Variants in MACROD2 observed in about 807,000 individuals in gnomAD.
MACROD2 encodes ADP-ribose glycohydrolase MACROD2.
In MACROD2, 36 loss-of-function variants were observed where a neutral mutation model predicts 70.4. The observed-to-expected ratio is 0.51, with a 90% CI of 0.39 to 0.68. MACROD2 has a LOEUF of 0.68. Ranked by LOEUF, MACROD2 falls within the 30% of genes least tolerant of loss-of-function variation. The pLI is 0.00. For synonymous variants in MACROD2, 172 were observed against 178.8 expected (o/e 0.96, Z 0.30); for missense variants, 496 against 538.4 (o/e 0.92, Z 0.78).
At chr20:15,559,095 C>T (rs905716331) in intron 8 of MACROD2, among the ~76,000 whole-genome samples, 10 of 151,908 alleles carry the variant, frequency 6.6e-5, no homozygotes, top group East Asian at 1.9e-4. Context: ...GGCATGGTGG[C>T]GCACGCCTGT....
intron 15 of MACROD2, among the ~76,000 whole-genome samples, chr20:16,039,276 T>C (rs1389881238): frequency 6.6e-6 from 1 of 151,974 alleles, no homozygotes; most frequent in Non-Finnish European, 1.5e-5. Context: ...TTTCTCATTA[T>C]AATTTTAATT....
chr20:15,261,323 G>T (rs1354186498), intron 6 of MACROD2, among the ~76,000 whole-genome samples: 1 of 151,636 alleles, frequency 6.6e-6, no homozygotes, highest in East Asian at 1.9e-4. Context: ...ATTTCAAAAG[G>T]GCCACTCTAG....
At chr20:15,644,021 C>T (rs922431153) in intron 8 of MACROD2, among the ~76,000 whole-genome samples, 1 of 152,144 alleles carries the variant, frequency 6.6e-6, no homozygotes, top group African/African-American at 2.4e-5. Context: ...CAATGTGTCT[C>T]ATTGGCCATT....
At position 15,616,440 on chromosome 20, in the gene MACROD2, AAAG is replaced by A. The variant is rs1362915110; in HGVS notation, c.645+116600_645+116602del. On this transcript the variant is annotated intron_variant, in intron 8 of 17. Coordinates refer to ENST00000684519, the MANE Select transcript of MACROD2 (RefSeq NM_001351661.2). ...CTTTATGATAACGTACAGTCATATC[AAAG>A]AAGAAGTTCAAAGAAGAGTTCCTTT... Among the ~76,000 whole-genome samples the A allele has an allele frequency of 2.6e-5, 4 of 152,256 alleles. No individual in the cohort carries two copies. In the South Asian group the frequency reaches 6.2e-4, roughly 24 times the overall value.
At chr20:15,189,678 A>G (rs1315347902) in intron 5 of MACROD2, among the ~76,000 whole-genome samples, 1 of 152,222 alleles carries the variant, frequency 6.6e-6, no homozygotes, top group Non-Finnish European at 1.5e-5. Context: ...AAATATATAA[A>G]GAGAAATATA....
rs532368062 is a variant in MACROD2, at chr20:15,640,286, G to A, written c.645+140439G>A. On this transcript the variant is annotated intron_variant, in intron 8 of 17. Coordinates refer to ENST00000684519, the MANE Select transcript of MACROD2 (RefSeq NM_001351661.2). ...AGTGAGACAGTGAGGGGGAAATAAA[G>A]GAAAAGGAGAGAGGATAGAGAGAGA... is the stretch of plus-strand genomic sequence containing the variant. Among the ~76,000 whole-genome samples, 42 of 152,034 alleles carry A rather than the reference G, an allele frequency of 2.8e-4. 1 individual carries two copies. The South Asian group carries it at 8.1e-3, about 29-fold the overall frequency.
At chr20:15,225,561 A>T (rs1392941147) in intron 5 of MACROD2, among the ~76,000 whole-genome samples, 1 of 152,160 alleles carries the variant, frequency 6.6e-6, no homozygotes, top group Non-Finnish European at 1.5e-5. Context: ...CATGTAGCTA[A>T]AACAAACCTA....
At chr20:15,422,381 G>A (rs972205958) in intron 6 of MACROD2, among the ~76,000 whole-genome samples, 43 of 152,078 alleles carry the variant, frequency 2.8e-4, no homozygotes, top group African/African-American at 1.0e-3. Flanking sequence ...TACCTGTCTT[G>A]TTTTAGCCTT....
intron 8 of MACROD2, among the ~76,000 whole-genome samples, chr20:15,530,575 A>G (rs1297962719): frequency 6.6e-6 from 1 of 152,206 alleles, no homozygotes; most frequent in East Asian, 1.9e-4. Flanking sequence ...TACTAAAAAT[A>G]CAAAAAATTA....
chr20:15,157,527 A>G (rs1205208145), intron 5 of MACROD2, among the ~76,000 whole-genome samples: 2 of 151,974 alleles, frequency 1.3e-5, no homozygotes, highest in Non-Finnish European at 2.9e-5. Context: ...TCATTTAGTA[A>G]GTGTGTTTTG....
chr20:14,208,094 G>A (rs1362447629), intron 3 of MACROD2, among the ~76,000 whole-genome samples: 4 of 152,158 alleles, frequency 2.6e-5, no homozygotes, highest in Non-Finnish European at 5.9e-5. Flanking sequence ...CACTTCTTGA[G>A]GATTCTGGAC....
At chr20:14,113,111 T>G (rs571627798) in intron 3 of MACROD2, among the ~76,000 whole-genome samples, 1 of 152,154 alleles carries the variant, frequency 6.6e-6, no homozygotes, top group East Asian at 1.9e-4. Context: ...TTGAGAATTA[T>G]TTTTCAACAT....
chr20:14,982,769 G>C (rs113820264), intron 5 of MACROD2, among the ~76,000 whole-genome samples: 5,056 of 152,266 alleles, frequency 0.033, 114 homozygotes, highest in Admixed American at 0.051. Flanking sequence ...TTAGGGGTGG[G>C]GTCCTCACAG....
chr20:15,464,630 C>T (rs1476460378), intron 7 of MACROD2, among the ~76,000 whole-genome samples: 2 of 152,122 alleles, frequency 1.3e-5, no homozygotes, highest in Non-Finnish European at 2.9e-5. Context: ...TAGCTTTATC[C>T]CACTCTGACT....
chr20:14,890,989 T>TCATTCCTTCCTTCCTTCCTTCCTTCCTC (rs2073750937), intron 5 of MACROD2, among the ~76,000 whole-genome samples: 2 of 69,990 alleles, frequency 2.9e-5, no homozygotes, highest in Non-Finnish European at 5.7e-5. Flanking sequence ...CTTCCTTCCT[T>TCATTCCTTCCTTCCTTCCTTCCTTCCTC]CCTCCCTCCC....
chr20:15,382,571 TTGA>T (rs1175059572), intron 6 of MACROD2, among the ~76,000 whole-genome samples: 2 of 152,204 alleles, frequency 1.3e-5, no homozygotes, highest in Non-Finnish European at 2.9e-5. Context: ...CCTTTGGCAC[TTGA>T]TGAAGCAGAC....
In MACROD2 at chr20:14,832,074, G is replaced by T. The variant is rs1389822463; in HGVS notation, c.418+147115G>T. ...TTTTTTTTTTTTGAGAGGGAGTCTC[G>T]CTCTGTGGCCCAGGCTGGAGTGCAG... On this transcript the variant is annotated intron_variant, in intron 5 of 17. Transcript: ENST00000684519. Among the ~76,000 whole-genome samples, 40 of 114,440 alleles carry T rather than the reference G, an allele frequency of 3.5e-4. No homozygotes were observed. The Admixed American group carries it at 3.7e-3, about 11-fold the overall frequency. 75.1% of individuals were successfully genotyped at this position (114,440 alleles called of 152,430 possible).
intron 6 of MACROD2, among the ~76,000 whole-genome samples, chr20:15,234,961 T>C (rs2077000938): frequency 2.0e-5 from 3 of 152,234 alleles, no homozygotes; most frequent in African/African-American, 7.2e-5. Context: ...GACTTCTGTT[T>C]CCCTTCTTTT....
intron 4 of MACROD2, among the ~76,000 whole-genome samples, chr20:14,625,637 G>T (rs1011429839): frequency 3.9e-5 from 6 of 152,144 alleles, no homozygotes; most frequent in Non-Finnish European, 8.8e-5. Context: ...CACTGCTGTT[G>T]CCAAATGCCT....
Sources: allele counts gnomAD v4.1 joint callset (sites outside exome capture counted in the v4.1 genomes callset), GRCh38; gene constraint gnomAD v4.1.1; transcripts MANE v1.5; gene names NCBI Gene and HGNC (gene_info 2026-07-23, HGNC 2026-07-21).